The following PCDH15 variants were observed in gnomAD, a reference collection of about 807,000 sequenced individuals.
The protein encoded by PCDH15 is protocadherin related 15.
Under a neutral mutation model 178.5 loss-of-function variants are expected in PCDH15, and 129 were observed. The observed-to-expected ratio is 0.72, with a 90% confidence interval of 0.63 to 0.84. PCDH15 has a LOEUF of 0.84. Ranked by LOEUF, PCDH15 falls within the 40% of genes least tolerant of loss-of-function variation. PCDH15 has a pLI of 0.00. For synonymous variants in PCDH15, 800 were observed against 732.0 expected (o/e 1.09, Z -1.50); for missense variants, 2,230 against 2,099.9 (o/e 1.06, Z -1.21).
intron 3 of PCDH15, among the ~76,000 whole-genome samples, chr10:54,464,132 A>G (rs1356910243): frequency 6.6e-6 from 1 of 152,086 alleles, no homozygotes; most frequent in Admixed American, 6.6e-5. Flanking sequence ...CAGTAGAGGG[A>G]ATGGGTACAG....
chr10:53,832,528 T>C (rs767776652), intron 29 of PCDH15, among the ~76,000 whole-genome samples: 2 of 151,960 alleles, frequency 1.3e-5, no homozygotes, highest in Admixed American at 6.6e-5. Context: ...TCCCATGATC[T>C]ACAGACAGTC....
At chr10:54,547,562 T>A (rs544942133) in intron 2 of PCDH15, among the ~76,000 whole-genome samples, 33 of 152,318 alleles carry the variant, frequency 2.2e-4, no homozygotes, top group African/African-American at 7.9e-4. Flanking sequence ...GCAACTTGGC[T>A]ATTTCTCTGC....
intron 2 of PCDH15, among the ~76,000 whole-genome samples, chr10:55,465,806 A>C (rs553528676): frequency 1.3e-5 from 2 of 152,296 alleles, no homozygotes; most frequent in African/African-American, 4.8e-5. Context: ...CAGTTTGTCA[A>C]AGGATCTTTT....
At chr10:54,227,592 A>G (rs1241715583) in intron 9 of PCDH15, among the ~76,000 whole-genome samples, 2 of 152,196 alleles carry the variant, frequency 1.3e-5, no homozygotes, top group Non-Finnish European at 2.9e-5. Context: ...ATTAACATAC[A>G]GCTCCTCGTT....
At chr10:53,989,475 T>C (rs2134758892) in intron 21 of PCDH15, among the ~76,000 whole-genome samples, 1 of 152,304 alleles carries the variant, frequency 6.6e-6, no homozygotes, top group South Asian at 2.1e-4. Flanking sequence ...TATACCCGTT[T>C]ACACTTTCAA....
chr10:54,941,750 A>G (rs554662283), intron 2 of PCDH15, among the ~76,000 whole-genome samples: 9 of 152,096 alleles, frequency 5.9e-5, no homozygotes, highest in Admixed American at 2.0e-4. Flanking sequence ...TGGAGATTAT[A>G]TTTGTTATGT....
chr10:54,047,084 T>C lies in PCDH15; in HGVS notation c.2220+19673A>G, dbSNP rs191354723. 3.5e-4 allele frequency among the ~76,000 whole-genome samples: 54 copies of C among 152,274 alleles called. 2 individuals carry two copies. The East Asian group carries it at 0.01, about 28-fold the overall frequency. ...ATAAGTAATGTAGCATTAAAATATATAGCTAGATAGATGTAGCAGGGGTTT... is the reference window on the plus strand; with the variant it reads ...ATAAGTAATGTAGCATTAAAATATACAGCTAGATAGATGTAGCAGGGGTTT... On this transcript the variant is annotated intron_variant, in intron 18 of 37. Coordinates refer to ENST00000644397, the MANE Select transcript of PCDH15 (RefSeq NM_001384140.1).
intron 2 of PCDH15, among the ~76,000 whole-genome samples, chr10:54,548,819 A>G (rs1189348192): frequency 6.6e-6 from 1 of 151,124 alleles, no homozygotes; most frequent in Non-Finnish European, 1.5e-5. Context: ...TGTTGCCTAG[A>G]TGTTTCTTGG....
intron 1 of PCDH15, among the ~76,000 whole-genome samples, chr10:55,195,611 C>T (rs1222179555): frequency 2.8e-5 from 4 of 145,280 alleles, no homozygotes; most frequent in Non-Finnish European, 6.0e-5. Context: ...GCTGAGATTG[C>T]GCCACTGCAC....
At chr10:55,317,631 C>A (rs1169428944) in intron 1 of PCDH15, among the ~76,000 whole-genome samples, 3 of 151,180 alleles carry the variant, frequency 2.0e-5, no homozygotes, top group Admixed American at 6.6e-5. Context: ...TCAATTTGGA[C>A]AGAACTCTCT....
chr10:53,964,758 GACACATTTTTT>G (rs1009350328), intron 21 of PCDH15, among the ~76,000 whole-genome samples: 40 of 151,984 alleles, frequency 2.6e-4, no homozygotes, highest in African/African-American at 9.7e-4. Context: ...TAGAAACAAG[GACACATTTTTT>G]TAGAAAAACT....
chr10:53,849,680 C>G (rs564535004), intron 28 of PCDH15, among the ~76,000 whole-genome samples: 1 of 151,506 alleles, frequency 6.6e-6, no homozygotes, highest in Non-Finnish European at 1.5e-5. Flanking sequence ...GTGGCTAACA[C>G]GGTGAAACCT....
intron 3 of PCDH15, chr10:54,452,291 A>C (rs2136305480): frequency 6.6e-6 from 1 of 152,086 alleles, no homozygotes; most frequent in Non-Finnish European, 1.5e-5. Flanking sequence ...AATAATCAAA[A>C]TTTTGAGGTT....
At position 54,547,819 on chromosome 10, in the gene PCDH15, A is replaced by G. The variant is rs866157174; in HGVS notation, c.92-19942T>C. On this transcript the variant is annotated intron_variant, in intron 2 of 37. Coordinates refer to ENST00000644397, the MANE Select transcript of PCDH15 (RefSeq NM_001384140.1). ...TAGGAACGAACAAAAGTGCTGTGTC[A>G]TGGGTATAGTATATATTTATATTTA... Among the ~76,000 whole-genome samples, 3 of 152,162 alleles carry G rather than the reference A, an allele frequency of 2.0e-5. No homozygotes were observed. The South Asian group carries it at 6.2e-4, about 32-fold the overall frequency.
chr10:53,907,889 T>C (rs556654100), intron 25 of PCDH15, among the ~76,000 whole-genome samples: 6 of 152,312 alleles, frequency 3.9e-5, no homozygotes, highest in African/African-American at 9.6e-5. Flanking sequence ...CTTGACTCTA[T>C]GATTTTTAAG....
chr10:55,008,262 A>AC (rs1554822570), intron 2 of PCDH15, among the ~76,000 whole-genome samples: 2 of 151,548 alleles, frequency 1.3e-5, no homozygotes, highest in South Asian at 2.1e-4. Context: ...GAAAAAAAAA[A>AC]CAACATTCTC....
At chr10:55,209,671 C>T (rs536041317) in intron 1 of PCDH15, among the ~76,000 whole-genome samples, 3 of 152,116 alleles carry the variant, frequency 2.0e-5, no homozygotes, top group Non-Finnish European at 2.9e-5. Flanking sequence ...CATTGATATA[C>T]ATAATGGTGG....
intron 3 of PCDH15, among the ~76,000 whole-genome samples, chr10:54,397,985 C>A (rs555154453): frequency 1.3e-5 from 2 of 151,864 alleles, no homozygotes; most frequent in South Asian, 4.2e-4. Flanking sequence ...GTTCACTATC[C>A]CAGTTGGTCA....
At chr10:54,305,745 G>A (rs550673788) in intron 8 of PCDH15, among the ~76,000 whole-genome samples, 280 of 152,006 alleles carry the variant, frequency 1.8e-3, no homozygotes, top group African/African-American at 6.6e-3. Context: ...TATTAGGGAA[G>A]CCTTTTTTAA....
Sources: gnomAD v4.1 joint callset for allele counts (sites outside exome capture counted in the v4.1 genomes callset) on GRCh38, gnomAD v4.1.1 for gene constraint, MANE v1.5 for transcripts, NCBI Gene and HGNC (gene_info 2026-07-23, HGNC 2026-07-21) for gene names.